Variants in NFATC1 observed in about 807,000 individuals in gnomAD.
NFATC1 encodes nuclear factor of activated T cells 1, also known as nuclear factor of activated T-cells, cytoplasmic 1.
In NFATC1, 22 loss-of-function variants were observed where a neutral mutation model predicts 76.0. That is an observed-to-expected ratio of 0.29 (90% CI 0.21 to 0.41). The LOEUF is 0.41. Ranked by LOEUF, NFATC1 falls within the 10% of genes least tolerant of loss-of-function variation. The pLI is 1.00. For synonymous variants in NFATC1, 704 were observed against 613.1 expected (o/e 1.15, Z -2.19); for missense variants, 1,357 against 1,337.7 (o/e 1.01, Z -0.23).
Position 79,411,508 on chromosome 18 carries a change from C to T in NFATC1, c.1226+7C>T, listed in dbSNP as rs768273257. ...CCCCTACGTCCTACATGAGGTGAGCCGGCAGCGCGGGGCGGGACGGGGAGG... is the reference window on the plus strand; with the variant it reads ...CCCCTACGTCCTACATGAGGTGAGCTGGCAGCGCGGGGCGGGACGGGGAGG... On this transcript the variant is annotated splice_region_variant and intron_variant, in intron 2 of 9. Transcript: ENST00000427363. 4.6e-5 allele frequency: 68 copies of T among 1,472,670 alleles called. No homozygotes were observed. The highest frequency in any genetic ancestry group is 3.2e-4 in the African/African-American group (22 of 69,410). The allele number at this position is 1,472,670 out of a possible 1,614,324, so 91.2% of individuals were successfully genotyped here. A position where few individuals can be genotyped will look rare whatever the true frequency, so the allele number is the denominator to read the frequency against.
intron 3 of NFATC1, among the ~76,000 whole-genome samples, chr18:79,444,703 CCGG>C (rs2087125874): frequency 6.6e-6 from 1 of 152,012 alleles, no homozygotes; most frequent in East Asian, 1.9e-4. Context: ...GCAGACCACA[CCGG>C]CACTGCACAC....
At chr18:79,430,634 C>T (rs549764995) in intron 2 of NFATC1, among the ~76,000 whole-genome samples, 3 of 152,358 alleles carry the variant, frequency 2.0e-5, no homozygotes, top group African/African-American at 4.8e-5. Flanking sequence ...CTGTCTGCCT[C>T]GGCCTCCCAA....
chr18:79,503,717 T>A (rs905679722), intron 9 of NFATC1, among the ~76,000 whole-genome samples: 1 of 152,230 alleles, frequency 6.6e-6, no homozygotes, highest in Non-Finnish European at 1.5e-5. Context: ...AGCCAGACAC[T>A]GAGTCCTCTC....
At chr18:79,425,179 C>CTGTGTCTG (rs1555902932) in intron 2 of NFATC1, among the ~76,000 whole-genome samples, 1 of 143,142 alleles carries the variant, frequency 7.0e-6, no homozygotes, top group African/African-American at 2.7e-5. Flanking sequence ...CCATCTGTCT[C>CTGTGTCTG]TCTGTCTCTG....
Position 79,486,553 on chromosome 18 carries a change from G to A in NFATC1, c.2398G>A (p.Val800Ile), listed in dbSNP as rs376173313. The change falls in exon 9 of 10, where the codon GTC (valine) becomes ATC (isoleucine). Residue 800 changes from valine to isoleucine, a missense_variant. Physicochemically the swap from Val to Ile is conservative, Grantham distance 29. Transcript: ENST00000427363. ...GCAGCCGGCCGGAGAGGCCCCCGCC[G>A]TCCAGGACGTGCCCAGGCCAGTGGC... ...LPQPAGEAPAVQDVPRPVATH... is the reference protein window; with the variant it reads ...LPQPAGEAPAIQDVPRPVATH... The A allele has an allele frequency of 5.3e-5, 85 of 1,594,410 alleles. No homozygotes were observed. The Middle Eastern group carries it at 6.6e-4, about 12-fold the overall frequency.
intron 8 of NFATC1, chr18:79,470,692 T>C (rs2088748114): frequency 6.6e-6 from 1 of 152,266 alleles, no homozygotes; most frequent in South Asian, 2.1e-4. Flanking sequence ...CATCCTCCGA[T>C]GACTCGGCCG....
At chr18:79,476,442 C>T (rs1423130537) in intron 8 of NFATC1, among the ~76,000 whole-genome samples, 3 of 152,226 alleles carry the variant, frequency 2.0e-5, no homozygotes, top group Admixed American at 6.5e-5. Context: ...CCTTTGTCAT[C>T]AGCCTAATTG....
intron 1 of NFATC1, among the ~76,000 whole-genome samples, chr18:79,399,244 G>C (rs977104744): frequency 1.3e-5 from 2 of 152,246 alleles, no homozygotes; most frequent in Non-Finnish European, 2.9e-5. Context: ...CACACGGAAC[G>C]ATGGCTTATC....
At position 79,449,820 on chromosome 18, in the gene NFATC1, G is replaced by A. The variant is rs1485797217; in HGVS notation, c.1589+836G>A. Among the ~76,000 whole-genome samples the A allele has an allele frequency of 6.6e-5, 10 of 152,198 alleles. 1 individual carries two copies. The highest frequency in any genetic ancestry group is 4.1e-4 in the South Asian group (2 of 4,830). On this transcript the variant is annotated intron_variant, in intron 4 of 9. Coordinates refer to ENST00000427363, the MANE Select transcript of NFATC1 (RefSeq NM_001278669.2). The stretch of plus-strand genomic sequence containing the variant: ...GGCTGCAGGAGTGGGGAGGAGTCCC[G>A]CACGGTGAGGGAGAGCGTGTAGGAG...
chr18:79,408,115 C>T (rs2085505227), intron 1 of NFATC1, among the ~76,000 whole-genome samples: 1 of 152,202 alleles, frequency 6.6e-6, no homozygotes, highest in Admixed American at 6.5e-5. Flanking sequence ...TTCCCACCTA[C>T]CTGGGGCGCT....
chr18:79,403,801 G>C (rs944935515), intron 1 of NFATC1, among the ~76,000 whole-genome samples: 3 of 152,244 alleles, frequency 2.0e-5, no homozygotes, highest in Non-Finnish European at 4.4e-5. Context: ...TCACCAAATA[G>C]GATTTCTCTT....
At chr18:79,511,217 T>TACAGAATCAATCAA (rs1170819040) in intron 9 of NFATC1, among the ~76,000 whole-genome samples, 14 of 152,334 alleles carry the variant, frequency 9.2e-5, no homozygotes, top group Non-Finnish European at 2.1e-4. Flanking sequence ...AGATTAATAA[T>TACAGAATCAATCAA]TGGATAATCA....
At position 79,465,900 on chromosome 18, in the gene NFATC1, A is replaced by T. The variant is rs2088467180; in HGVS notation, c.1960-1550A>T. Among the ~76,000 whole-genome samples, 2 of 152,272 alleles carry T rather than the reference A, an allele frequency of 1.3e-5. No homozygotes were observed. Among genetic ancestry groups the T allele is most frequent in the African/African-American group, 4.8e-5 (2 of 41,482 alleles). On this transcript the variant is annotated intron_variant, in intron 7 of 9. Transcript: ENST00000427363. The surrounding 1 kb of genome is among the most constrained non-coding windows in gnomAD (Gnocchi z 4.2). ...GGCAGCCCAGGCCCCGCCCACTGAC[A>T]GCACTCATGGCCCCTCCGGCGGCAG...
chr18:79,423,961 C>T (rs2086190206), intron 2 of NFATC1, among the ~76,000 whole-genome samples: 1 of 152,170 alleles, frequency 6.6e-6, no homozygotes, highest in Non-Finnish European at 1.5e-5. Flanking sequence ...GGTGGGACAG[C>T]AGTGGTCCCA....
intron 1 of NFATC1, among the ~76,000 whole-genome samples, chr18:79,402,080 C>G (rs968695833): frequency 6.6e-6 from 1 of 152,238 alleles, no homozygotes; most frequent in African/African-American, 2.4e-5. Flanking sequence ...ACGTGGTCAG[C>G]GCACCCCCAG....
intron 8 of NFATC1, among the ~76,000 whole-genome samples, chr18:79,473,270 A>T (rs1350524277): frequency 6.6e-6 from 1 of 152,248 alleles, no homozygotes; most frequent in Non-Finnish European, 1.5e-5. Context: ...TCCCTGTTCT[A>T]CTGAAGGCCC....
rs139018219 is a variant in NFATC1 at position 79,488,809 on chromosome 18, C to T, written c.2782+1872C>T. 7.3e-3 allele frequency among the ~76,000 whole-genome samples: 1,113 copies of T among 152,336 alleles called. 13 individuals are homozygous for T. The highest frequency in any genetic ancestry group is 0.024 in the African/African-American group (1,017 of 41,564). On this transcript the variant is annotated intron_variant, in intron 9 of 9. Transcript: ENST00000427363. ...AGAAATTCTCTTTCCACCTGCCATG[C>T]CTTGTCCCAGTTGTGACCCACCAGC...
At chr18:79,518,158 T>A (rs2090429199) in intron 9 of NFATC1, among the ~76,000 whole-genome samples, 1 of 152,232 alleles carries the variant, frequency 6.6e-6, no homozygotes, top group Non-Finnish European at 1.5e-5. Flanking sequence ...GGGACAGGGA[T>A]GGAGCAGACT....
chr18:79,474,016 C>CGTT (rs2088911124), intron 8 of NFATC1, among the ~76,000 whole-genome samples: 1 of 133,564 alleles, frequency 7.5e-6, no homozygotes, highest in African/African-American at 3.0e-5. Flanking sequence ...TCACTGTCGA[C>CGTT]GTAAACCTGA....
Sources: allele counts gnomAD v4.1 joint callset (sites outside exome capture counted in the v4.1 genomes callset), GRCh38; gene constraint gnomAD v4.1.1; non-coding constraint Gnocchi (gnomAD v3.1); transcripts MANE v1.5; gene names NCBI Gene and HGNC (gene_info 2026-07-23, HGNC 2026-07-21).